LTBP1: variants seen among roughly 807,000 people sequenced by gnomAD.
The protein encoded by LTBP1 is latent-transforming growth factor beta-binding protein 1.
In LTBP1, 129 loss-of-function variants were observed where a neutral mutation model predicts 207.6. That is an observed-to-expected ratio of 0.62 (90% CI 0.54 to 0.72). The LOEUF (loss-of-function observed/expected upper bound fraction) is 0.72. Among genes scored for constraint, LTBP1 ranks in the 30% least tolerant of loss-of-function variants. The pLI, the probability that LTBP1 is intolerant of heterozygous loss-of-function variation, is 0.00. For synonymous variants in LTBP1, 963 were observed against 833.7 expected (o/e 1.16, Z -2.67); for missense variants, 2,281 against 2,217.2 (o/e 1.03, Z -0.58).
At chr2:33,213,492 T>C (rs1012936563) in intron 7 of LTBP1, among the ~76,000 whole-genome samples, 1 of 152,248 alleles carries the variant, frequency 6.6e-6, no homozygotes, top group African/African-American at 2.4e-5. Context: ...AAGGATTTTC[T>C]GAATGCTGAT....
intron 24 of LTBP1, among the ~76,000 whole-genome samples, chr2:33,328,059 C>T (rs1030712245): frequency 2.0e-5 from 3 of 151,470 alleles, no homozygotes; most frequent in East Asian, 1.9e-4. Context: ...TGCTTGAAAC[C>T]GGAAGGTGAA....
chr2:32,997,469 G>A (rs74728619), intron 2 of LTBP1, among the ~76,000 whole-genome samples: 4,733 of 152,210 alleles, frequency 0.031, 247 homozygotes, highest in African/African-American at 0.11. Context: ...TGATTATGCC[G>A]TTCCAGCCTG....
Position 33,134,486 on chromosome 2 carries a change from G to A in LTBP1, c.1034-307G>A, listed in dbSNP as rs1311498429. The stretch of plus-strand genomic sequence containing the variant: ...TCGGTATTGCTCTTTGTCTGCCCGT[G>A]AATAAAGTGCAGCATTGTGGTTAGT... On this transcript the variant is annotated intron_variant, in intron 4 of 33. Coordinates refer to ENST00000404816, the MANE Select transcript of LTBP1 (RefSeq NM_206943.4). This position sits in a 1 kb window ranked among gnomAD's most constrained non-coding sequence, Gnocchi z 4.4. 1.6e-6 allele frequency: 2 copies of A among 1,250,814 alleles called. No homozygotes were observed. Among genetic ancestry groups the A allele is most frequent in the Non-Finnish European group, 2.2e-6 (2 of 904,104 alleles). The allele number at this position is 1,250,814 out of a possible 1,614,324, so 77.5% of individuals were successfully genotyped here.
intron 18 of LTBP1, 70 bp downstream of exon 18, chr2:33,275,993 C>T: frequency 1.3e-6 from 2 of 1,494,774 alleles, no homozygotes; most frequent in Non-Finnish European, 1.8e-6. Context: ...TTGCCTGGTT[C>T]TTGTTTCCTT....
chr2:33,026,234 G>A (rs1015274573), intron 3 of LTBP1, among the ~76,000 whole-genome samples: 1 of 152,004 alleles, frequency 6.6e-6, no homozygotes, highest in African/African-American at 2.4e-5. Flanking sequence ...CTGTAGGAGG[G>A]GACCTTGCTC....
chr2:32,969,973 C>G (rs954466023), intron 2 of LTBP1, among the ~76,000 whole-genome samples: 2 of 152,070 alleles, frequency 1.3e-5, no homozygotes, highest in Non-Finnish European at 2.9e-5. Flanking sequence ...CTGACTGGTG[C>G]AAGATGGTAT....
chr2:33,186,044 G>A (rs2087155142), intron 5 of LTBP1, among the ~76,000 whole-genome samples: 1 of 152,136 alleles, frequency 6.6e-6, no homozygotes, highest in East Asian at 1.9e-4. Flanking sequence ...AGTCTGTCCT[G>A]TTACCTTTCA....
At chr2:33,168,629 G>T (rs895650620) in intron 5 of LTBP1, among the ~76,000 whole-genome samples, 2 of 151,672 alleles carry the variant, frequency 1.3e-5, no homozygotes, top group African/African-American at 4.9e-5. Flanking sequence ...GGGTGTTTTT[G>T]TGTTACATGG....
intron 5 of LTBP1, among the ~76,000 whole-genome samples, chr2:33,162,596 A>G (rs1461147684): frequency 1.3e-5 from 2 of 152,214 alleles, no homozygotes; most frequent in African/African-American, 4.8e-5. Context: ...CTGGTTATTG[A>G]TCAGCTCATG....
intron 24 of LTBP1, among the ~76,000 whole-genome samples, chr2:33,328,164 A>AATAAATAAATAAATAC (rs1252602180): frequency 6.7e-6 from 1 of 150,028 alleles, no homozygotes. Flanking sequence ...TAAATAAATA[A>AATAAATAAATAAATAC]ATAAAATAAA....
chr2:32,961,769 A>T (rs1679152221), intron 2 of LTBP1, among the ~76,000 whole-genome samples: 1 of 152,080 alleles, frequency 6.6e-6, no homozygotes. Context: ...AACATAGTGA[A>T]ACCCCGTCTC....
chr2:33,023,277 A>G, intron 3 of LTBP1, among the ~76,000 whole-genome samples: 1 of 152,242 alleles, frequency 6.6e-6, no homozygotes, highest in Admixed American at 6.5e-5. Context: ...ATTCATCTTC[A>G]ATATCACCAT....
chr2:33,138,763 G>A lies in LTBP1; in HGVS notation c.1201+3803G>A, dbSNP rs979898588. Among the ~76,000 whole-genome samples, 68 of 150,336 alleles carry A rather than the reference G, an allele frequency of 4.5e-4. 1 individual carries two copies. Among genetic ancestry groups the A allele is most frequent in the African/African-American group, 1.6e-3 (64 of 40,956 alleles). ...CATGATGGTCAAAATAACACATTTG[G>A]TTTATGTGAATCTAAAGACTCATGT... On this transcript the variant is annotated intron_variant, in intron 5 of 33. Transcript: ENST00000404816.
intron 3 of LTBP1, among the ~76,000 whole-genome samples, chr2:33,065,404 A>C (rs1417266368): frequency 2.0e-5 from 3 of 152,100 alleles, no homozygotes; most frequent in Non-Finnish European, 4.4e-5. Context: ...AAATAAAAAT[A>C]TTAGCTGGGT....
intron 26 of LTBP1, among the ~76,000 whole-genome samples, chr2:33,348,630 C>T (rs1293443459): frequency 6.6e-6 from 1 of 152,026 alleles, no homozygotes; most frequent in Non-Finnish European, 1.5e-5. Flanking sequence ...TGTTTGGTTC[C>T]ATAGGGTAGC....
chr2:33,320,976 A>C (rs1278283915), intron 24 of LTBP1, among the ~76,000 whole-genome samples: 1 of 152,184 alleles, frequency 6.6e-6, no homozygotes, highest in Middle Eastern at 3.2e-3. Flanking sequence ...TTTATTGGAA[A>C]GGAAAAATGA....
intron 15 of LTBP1, among the ~76,000 whole-genome samples, chr2:33,269,996 C>T (rs1212495975): frequency 2.7e-5 from 4 of 146,850 alleles, no homozygotes; most frequent in African/African-American, 7.6e-5. Context: ...GGCAAAGTCT[C>T]GCCCTGTCAC....
Position 33,189,251 on chromosome 2 carries a change from A to G in LTBP1, c.1701+400A>G, listed in dbSNP as rs568511316. On this transcript the variant is annotated intron_variant, in intron 7 of 33. Coordinates refer to ENST00000404816, the MANE Select transcript of LTBP1 (RefSeq NM_206943.4). ...CACTCTGTTGCCCAGGCTGGAGTGC[A>G]GTGGCACGATCTTGGCTCACTGCAA... Among the ~76,000 whole-genome samples the G allele has an allele frequency of 1.9e-3, 287 of 152,326 alleles. 1 individual carries two copies. The highest frequency in any genetic ancestry group is 6.6e-3 in the African/African-American group (275 of 41,572).
intron 2 of LTBP1, among the ~76,000 whole-genome samples, chr2:32,972,448 C>G (rs375342355): frequency 1.3e-5 from 2 of 152,072 alleles, no homozygotes; most frequent in South Asian, 4.2e-4. Flanking sequence ...AAACTTTCAT[C>G]TTAACACTGC....
Sources: allele counts gnomAD v4.1 joint callset (sites outside exome capture counted in the v4.1 genomes callset), GRCh38; gene constraint gnomAD v4.1.1; non-coding constraint Gnocchi (gnomAD v3.1); transcripts MANE v1.5; gene names NCBI Gene and HGNC (gene_info 2026-07-23, HGNC 2026-07-21).